CAMTA1: variants seen among roughly 807,000 people sequenced by gnomAD.
CAMTA1 encodes the protein calmodulin-binding transcription activator 1.
Under a neutral mutation model 170.9 loss-of-function variants are expected in CAMTA1, and 27 were observed. The observed-to-expected ratio is 0.16, with a 90% CI of 0.12 to 0.22. CAMTA1 has a LOEUF of 0.22. Among genes scored for constraint, CAMTA1 ranks in the 10% least tolerant of loss-of-function variants. CAMTA1 has a pLI of 1.00. For synonymous variants in CAMTA1, 833 were observed against 891.5 expected (o/e 0.93, Z 1.17); for missense variants, 1,619 against 2,217.2 (o/e 0.73, Z 5.42).
chr1:7,338,930 T>G (rs1485017556), intron 5 of CAMTA1, among the ~76,000 whole-genome samples: 1 of 152,146 alleles, frequency 6.6e-6, no homozygotes, highest in African/African-American at 2.4e-5. Context: ...CTCAGGAAAC[T>G]TTTAATTATG....
chr1:7,444,740 A>G (rs1221286505), intron 5 of CAMTA1, among the ~76,000 whole-genome samples: 11 of 152,260 alleles, frequency 7.2e-5, no homozygotes, highest in Non-Finnish European at 1.5e-4. Context: ...GTCTTTGAGC[A>G]GCACCTAAAA....
chr1:6,960,887 C>T (rs1316622819), intron 3 of CAMTA1, among the ~76,000 whole-genome samples: 1 of 152,176 alleles, frequency 6.6e-6, no homozygotes, highest in East Asian at 1.9e-4. Context: ...AGGATTTAGC[C>T]TTTATAACCC....
At position 7,768,115 on chromosome 1, in the gene CAMTA1, A is replaced by T. The variant is rs1169110894; in HGVS notation, c.*1624A>T. 8 of 786 alleles carry T rather than the reference A, an allele frequency of 0.01. No individual in the cohort carries two copies. Among genetic ancestry groups the T allele is most frequent in the Middle Eastern group, 0.25 (1 of 4 alleles). The allele number at this position is 786 out of a possible 1,614,324, so 0.0% of individuals were successfully genotyped here. A position where few individuals can be genotyped will look rare whatever the true frequency, so the allele number is the denominator to read the frequency against. On this transcript the variant is annotated 3_prime_UTR_variant, in exon 23 of 23. Coordinates refer to ENST00000303635, the MANE Select transcript of CAMTA1 (RefSeq NM_015215.4). ...CCAACAAAGAACACTTAGAATGATA[A>T]AAAAAAAAAAAAAAAACCTGACAAA...
At chr1:6,986,088 G>T (rs6660411) in intron 3 of CAMTA1, among the ~76,000 whole-genome samples, 2,391 of 152,306 alleles carry the variant, frequency 0.016, 34 homozygotes, top group African/African-American at 0.035. Context: ...GCTCCCTGCC[G>T]TCTTTCTGTG....
In CAMTA1 at chr1:7,585,737, C is replaced by A. The variant is rs1008879873; in HGVS notation, c.511-54663C>A. Among the ~76,000 whole-genome samples the A allele has an allele frequency of 6.6e-6, 1 of 150,918 alleles. No homozygotes were observed. The highest frequency in any genetic ancestry group is 2.5e-5 in the African/African-American group (1 of 40,284). ...CAGGATGCGGGGTGCCCAGTTCATA[C>A]ATCCTAGAGGGGGGCTCTCTTGTGG... On this transcript the variant is annotated intron_variant, in intron 6 of 22. Coordinates refer to ENST00000303635, the MANE Select transcript of CAMTA1 (RefSeq NM_015215.4). This position sits in a 1 kb window ranked among gnomAD's most constrained non-coding sequence, Gnocchi z 4.8.
At chr1:7,271,767 T>A (rs1034493586) in intron 5 of CAMTA1, among the ~76,000 whole-genome samples, 1 of 151,854 alleles carries the variant, frequency 6.6e-6, no homozygotes. Context: ...GTGACTAAAA[T>A]CAGGAATGAA....
At chr1:7,765,356 TGA>T (rs2097013009) in intron 22 of CAMTA1, among the ~76,000 whole-genome samples, 1 of 152,210 alleles carries the variant, frequency 6.6e-6, no homozygotes, top group African/African-American at 2.4e-5. Context: ...CCAAAAAAAC[TGA>T]GACTGATTTT....
chr1:7,733,322 A>G (rs2096748189), intron 12 of CAMTA1, among the ~76,000 whole-genome samples: 1 of 152,242 alleles, frequency 6.6e-6, no homozygotes, highest in African/African-American at 2.4e-5. Flanking sequence ...GTGTAGGTAT[A>G]AAACATAATT....
At chr1:7,086,181 T>C (rs1427423014) in intron 3 of CAMTA1, among the ~76,000 whole-genome samples, 2 of 152,118 alleles carry the variant, frequency 1.3e-5, no homozygotes, top group Non-Finnish European at 2.9e-5. Context: ...CTGGACAGTC[T>C]TTGCTTTGGA....
chr1:6,963,375 C>G (rs966710654), intron 3 of CAMTA1, among the ~76,000 whole-genome samples: 1 of 148,774 alleles, frequency 6.7e-6, no homozygotes, highest in Admixed American at 6.8e-5. Context: ...CTGGAGCCAC[C>G]CCTCTTTCCA....
intron 5 of CAMTA1, among the ~76,000 whole-genome samples, chr1:7,339,586 T>C (rs12728576): frequency 1.3e-5 from 2 of 151,594 alleles, no homozygotes; most frequent in East Asian, 2.0e-4. Context: ...TTTGTTTGTT[T>C]GTTGGTTGTT....
chr1:7,440,069 A>T (rs1302374929), intron 5 of CAMTA1, among the ~76,000 whole-genome samples: 5 of 152,236 alleles, frequency 3.3e-5, no homozygotes, highest in African/African-American at 9.6e-5. Flanking sequence ...TGGGCATCCC[A>T]TGTGCCCCAC....
intron 3 of CAMTA1, among the ~76,000 whole-genome samples, chr1:6,856,264 A>AGATGGCCAC (rs1396678045): frequency 3.3e-5 from 5 of 151,386 alleles, no homozygotes; most frequent in Admixed American, 3.3e-4. Flanking sequence ...AAGATGGCCA[A>AGATGGCCAC]GATGGAACCA....
chr1:7,549,736 T>G (rs1438963849), intron 6 of CAMTA1, among the ~76,000 whole-genome samples: 1 of 151,290 alleles, frequency 6.6e-6, no homozygotes, highest in Non-Finnish European at 1.5e-5. Flanking sequence ...AAGAAAAAAA[T>G]GAGTAACTCA....
At chr1:7,103,232 A>G (rs1030498974) in intron 4 of CAMTA1, among the ~76,000 whole-genome samples, 4 of 152,102 alleles carry the variant, frequency 2.6e-5, no homozygotes, top group African/African-American at 4.8e-5. Context: ...TGGAAGTCCA[A>G]GGGTGAAAGT....
intron 5 of CAMTA1, among the ~76,000 whole-genome samples, chr1:7,291,957 G>A (rs540446680): frequency 2.6e-5 from 4 of 152,228 alleles, no homozygotes; most frequent in African/African-American, 4.8e-5. Flanking sequence ...CCAAGGGTGC[G>A]TGTGCCCATC....
chr1:7,245,604 C>T (rs923119821), intron 4 of CAMTA1, among the ~76,000 whole-genome samples: 3 of 152,072 alleles, frequency 2.0e-5, no homozygotes, highest in Non-Finnish European at 4.4e-5. Context: ...TGGTTTTGCT[C>T]GCTATTAGTC....
At chr1:7,601,307 T>C (rs1247284797) in intron 6 of CAMTA1, among the ~76,000 whole-genome samples, 1 of 122,936 alleles carries the variant, frequency 8.1e-6, no homozygotes, top group Admixed American at 8.1e-5. Flanking sequence ...TCTCAGACGG[T>C]GCGGCCGGGC....
chr1:7,083,961 CT>C lies in CAMTA1; in HGVS notation c.235-7332del, dbSNP rs112707189. The stretch of plus-strand genomic sequence containing the variant: ...GGGCCAGCTGCTAGGGGAGCCTTGG[CT>C]TTTTTTTTTTCCCTTTATTCCCCCT... On this transcript the variant is annotated intron_variant, in intron 3 of 22. Coordinates refer to ENST00000303635, the MANE Select transcript of CAMTA1 (RefSeq NM_015215.4). 7.6e-3 allele frequency among the ~76,000 whole-genome samples: 1,085 copies of C among 143,602 alleles called. 16 individuals carry two copies. Among genetic ancestry groups the C allele is most frequent in the South Asian group, 0.054 (240 of 4,482 alleles). 94.2% of individuals were successfully genotyped at this position (143,602 alleles called of 152,430 possible).
Sources: allele counts gnomAD v4.1 joint callset (sites outside exome capture counted in the v4.1 genomes callset), GRCh38; gene constraint gnomAD v4.1.1; non-coding constraint Gnocchi (gnomAD v3.1); transcripts MANE v1.5; gene names NCBI Gene and HGNC (gene_info 2026-07-23, HGNC 2026-07-21).